Variants in CSMD1 observed in about 807,000 individuals in gnomAD.
CSMD1 encodes the protein CUB and Sushi multiple domains 1.
CSMD1 carries 213 observed loss-of-function variants against 417.5 expected under a neutral mutation model. That is an observed-to-expected ratio of 0.51 (90% confidence interval 0.46 to 0.57). The LOEUF (loss-of-function observed/expected upper bound fraction) is 0.57. CSMD1 is among the 20% of genes least tolerant of loss of function. The pLI is 0.00. For synonymous variants in CSMD1, 2,862 were observed against 1,736.8 expected (o/e 1.65, Z -16.11); for missense variants, 6,923 against 4,529.7 (o/e 1.53, Z -15.17).
chr8:4,896,326 T>C (rs1420229729), intron 1 of CSMD1, among the ~76,000 whole-genome samples: 5 of 152,130 alleles, frequency 3.3e-5, no homozygotes, highest in African/African-American at 1.2e-4. Flanking sequence ...CAATATTTAA[T>C]TCACACTTTA....
intron 1 of CSMD1, among the ~76,000 whole-genome samples, chr8:4,701,483 C>T (rs1264834701): frequency 6.6e-6 from 1 of 152,034 alleles, no homozygotes; most frequent in East Asian, 1.9e-4. Context: ...CTCCCCGACC[C>T]CAGCACAGAA....
intron 3 of CSMD1, among the ~76,000 whole-genome samples, chr8:4,169,104 C>G (rs1353931369): frequency 6.6e-6 from 1 of 152,186 alleles, no homozygotes; most frequent in Admixed American, 6.5e-5. Flanking sequence ...GTCCTTGAAC[C>G]TCTTTTCTCA....
intron 10 of CSMD1, among the ~76,000 whole-genome samples, chr8:3,536,137 G>T (rs552202888): frequency 6.6e-6 from 1 of 152,282 alleles, no homozygotes; most frequent in East Asian, 1.9e-4. Context: ...TGTGATATCC[G>T]GATCATCAAC....
intron 37 of CSMD1, among the ~76,000 whole-genome samples, chr8:3,180,730 G>C (rs907708457): frequency 6.6e-6 from 1 of 152,024 alleles, no homozygotes; most frequent in Non-Finnish European, 1.5e-5. Context: ...CTGCCTCCCA[G>C]GTGATTCTCC....
chr8:4,940,892 C>G (rs1180532422), intron 1 of CSMD1, among the ~76,000 whole-genome samples: 2 of 152,122 alleles, frequency 1.3e-5, no homozygotes. Flanking sequence ...AATTTTATCA[C>G]CATTTCTTTA....
Position 3,754,057 on chromosome 8 carries a change from GA to G in CSMD1, c.819-16del. 6.3e-7 allele frequency: 1 copy of G among 1,579,322 alleles called. No homozygotes were observed. Among genetic ancestry groups the G allele is most frequent in the Non-Finnish European group, 8.7e-7 (1 of 1,153,474 alleles). ...TGCCAGTTAGCCTAGAGAAGAGAAAGAGGAAAAAAATCTCCCTTGTAAACCA... is the reference window on the plus strand; with the variant it reads ...TGCCAGTTAGCCTAGAGAAGAGAAAGGGAAAAAAATCTCCCTTGTAAACCA... On this transcript the variant is annotated splice_polypyrimidine_tract_variant and intron_variant, in intron 5 of 69. Coordinates refer to ENST00000635120, the MANE Select transcript of CSMD1 (RefSeq NM_033225.6).
chr8:3,106,350 A>G (rs557097237), intron 46 of CSMD1, among the ~76,000 whole-genome samples, 178 bp downstream of exon 46: 74 of 152,102 alleles, frequency 4.9e-4, no homozygotes, highest in Non-Finnish European at 7.1e-4. Flanking sequence ...GTGAGCCATG[A>G]TTGCACCACT....
At chr8:4,261,553 T>A (rs938139915) in intron 3 of CSMD1, among the ~76,000 whole-genome samples, 9 of 152,100 alleles carry the variant, frequency 5.9e-5, no homozygotes, top group Non-Finnish European at 1.2e-4. Flanking sequence ...TAAGAGTAGA[T>A]CTTTTTATTT....
At chr8:4,951,430 A>C (rs1038480786) in intron 1 of CSMD1, among the ~76,000 whole-genome samples, 1 of 151,694 alleles carries the variant, frequency 6.6e-6, no homozygotes, top group African/African-American at 2.4e-5. Context: ...AAAAAAAGAA[A>C]AAGAAAGAAA....
chr8:4,768,965 C>G (rs192645992), intron 1 of CSMD1, among the ~76,000 whole-genome samples: 2 of 152,224 alleles, frequency 1.3e-5, no homozygotes, highest in East Asian at 3.9e-4. Context: ...AATAAATTAA[C>G]TTGTGACTAA....
At chr8:3,524,154 C>A (rs1797649429) in intron 10 of CSMD1, among the ~76,000 whole-genome samples, 3 of 151,676 alleles carry the variant, frequency 2.0e-5, no homozygotes, top group Admixed American at 2.0e-4. Context: ...CATATGCATG[C>A]ACAGCCAGAG....
At chr8:4,677,314 T>C (rs1805759643) in intron 1 of CSMD1, among the ~76,000 whole-genome samples, 1 of 151,826 alleles carries the variant, frequency 6.6e-6, no homozygotes, top group Non-Finnish European at 1.5e-5. Context: ...GAAATTACAA[T>C]ATACAATTAG....
chr8:3,953,114 A>G (rs1467583188), intron 5 of CSMD1, among the ~76,000 whole-genome samples: 1 of 152,178 alleles, frequency 6.6e-6, no homozygotes, highest in Admixed American at 6.5e-5. Context: ...TTCTCTGAAA[A>G]GATCAATGAT....
At chr8:3,786,100 G>A (rs769565940) in intron 5 of CSMD1, among the ~76,000 whole-genome samples, 10 of 152,222 alleles carry the variant, frequency 6.6e-5, no homozygotes, top group East Asian at 3.9e-4. Flanking sequence ...GGTGTGAGGC[G>A]TGTAGTTTGT....
chr8:4,240,432 G>C (rs1802325895), intron 3 of CSMD1, among the ~76,000 whole-genome samples: 1 of 152,196 alleles, frequency 6.6e-6, no homozygotes, highest in Non-Finnish European at 1.5e-5. Flanking sequence ...TAGACTTCAA[G>C]ATTCACTTGT....
At chr8:3,491,352 T>C (rs1223964468) in intron 11 of CSMD1, among the ~76,000 whole-genome samples, 2 of 152,300 alleles carry the variant, frequency 1.3e-5, no homozygotes, top group Admixed American at 6.5e-5. Flanking sequence ...ATGATATTAT[T>C]AGACCCAAAT....
intron 5 of CSMD1, among the ~76,000 whole-genome samples, chr8:3,777,225 A>T (rs929373689): frequency 3.3e-5 from 5 of 151,996 alleles, no homozygotes; most frequent in Admixed American, 6.6e-5. Flanking sequence ...CTTCTCCTAT[A>T]GAACATGAGC....
chr8:4,338,800 G>A (rs553338169), intron 3 of CSMD1, among the ~76,000 whole-genome samples: 6 of 152,148 alleles, frequency 3.9e-5, no homozygotes, highest in Admixed American at 6.6e-5. Context: ...TTAGTTTAAT[G>A]TTGCAATTAC....
intron 5 of CSMD1, among the ~76,000 whole-genome samples, chr8:3,909,050 G>T (rs900775020): frequency 2.6e-5 from 4 of 152,286 alleles, no homozygotes; most frequent in African/African-American, 9.6e-5. Context: ...TGAAATGCGG[G>T]GAGCAGCTGA....
Sources: allele counts gnomAD v4.1 joint callset (sites outside exome capture counted in the v4.1 genomes callset), GRCh38; gene constraint gnomAD v4.1.1; transcripts MANE v1.5; gene names NCBI Gene and HGNC (gene_info 2026-07-23, HGNC 2026-07-21).